SH3RF3: variants seen among roughly 807,000 people sequenced by gnomAD.
The protein encoded by SH3RF3 is E3 ubiquitin-protein ligase SH3RF3.
In SH3RF3, 29 loss-of-function variants were observed where a neutral mutation model predicts 66.3. The observed-to-expected ratio is 0.44, with a 90% CI of 0.33 to 0.60. SH3RF3 has a LOEUF of 0.60. SH3RF3 is among the 20% of genes least tolerant of loss of function. The pLI, the probability that SH3RF3 is intolerant of heterozygous loss-of-function variation, is 0.04. For synonymous variants in SH3RF3, 583 were observed against 532.0 expected, an observed-to-expected ratio of 1.10 and a Z score of -1.32; for missense variants, 1,194 against 1,190.9, an observed-to-expected ratio of 1.00 and a Z score of -0.04.
intron 1 of SH3RF3, among the ~76,000 whole-genome samples, chr2:109,183,681 G>C (rs565162742): frequency 6.6e-6 from 1 of 152,170 alleles, no homozygotes; most frequent in Admixed American, 6.5e-5. Flanking sequence ...GTTCATCCCT[G>C]AAAACAAAAA....
chr2:109,393,267 G>A (rs1676051368), intron 3 of SH3RF3, among the ~76,000 whole-genome samples: 2 of 152,364 alleles, frequency 1.3e-5, no homozygotes, highest in African/African-American at 4.8e-5. Context: ...TGTGAGTCTG[G>A]TCCATGGAGG....
chr2:109,296,310 C>A (rs1045292263), intron 1 of SH3RF3, among the ~76,000 whole-genome samples: 1 of 152,060 alleles, frequency 6.6e-6, no homozygotes, highest in African/African-American at 2.4e-5. Flanking sequence ...TCACTGCAAC[C>A]CCTGCCTCCC....
At chr2:109,493,680 C>T (rs1245093726) in intron 9 of SH3RF3, among the ~76,000 whole-genome samples, 1 of 151,484 alleles carries the variant, frequency 6.6e-6, no homozygotes, top group African/African-American at 2.4e-5. Flanking sequence ...ACACATCACA[C>T]ACCATACACA....
At chr2:109,313,918 C>T (rs983575252) in intron 1 of SH3RF3, among the ~76,000 whole-genome samples, 1 of 152,090 alleles carries the variant, frequency 6.6e-6, no homozygotes, top group Non-Finnish European at 1.5e-5. Flanking sequence ...TGTTGGGACC[C>T]GTATGCAGGG....
intron 4 of SH3RF3, among the ~76,000 whole-genome samples, chr2:109,412,626 C>CA (rs1676622728): frequency 6.6e-6 from 1 of 152,218 alleles, no homozygotes; most frequent in South Asian, 2.1e-4. Flanking sequence ...GATCCCCTGA[C>CA]AAAGATGGCA....
chr2:109,129,491 C>G lies in SH3RF3; in HGVS notation c.-50C>G, dbSNP rs753947567. On this transcript the variant is annotated 5_prime_UTR_variant, in exon 1 of 10. Coordinates refer to ENST00000309415, the MANE Select transcript of SH3RF3 (RefSeq NM_001099289.3). ...TGGCTGCCGGTGGCGGGCTCCACGC[C>G]GGCCCCGGGACCTAGGCAGCCGCGC... 1.3e-6 allele frequency: 2 copies of G among 1,494,386 alleles called. No homozygotes were observed. Among genetic ancestry groups the G allele is most frequent in the East Asian group, 2.8e-5 (1 of 35,888 alleles). The allele number at this position is 1,494,386 out of a possible 1,614,324, so 92.6% of individuals were successfully genotyped here. A position where few individuals can be genotyped will look rare whatever the true frequency, so the allele number is the denominator to read the frequency against.
Position 109,490,668 on chromosome 2 carries a change from T to G in SH3RF3, c.2212T>G (p.Ser738Ala), listed in dbSNP as rs1271653246. The G allele has an allele frequency of 2.6e-6, 4 of 1,517,032 alleles. No homozygotes were observed. Among genetic ancestry groups the G allele is most frequent in the South Asian group, 1.2e-5 (1 of 82,862 alleles). The allele number at this position is 1,517,032 out of a possible 1,614,324, so 94.0% of individuals were successfully genotyped here. Residue 738 changes from serine (S) to alanine (A), a missense_variant, in exon 9 of 10, where the codon TCC (serine) becomes GCC (alanine). Physicochemically the swap from Ser to Ala is moderately conservative, Grantham distance 99. Transcript: ENST00000309415. ...AGASTKKKSR[S>A]PPSVSPTHDP... ...AGCATCCACCAAGAAGAAGTCACGC[T>G]CCCCGCCATCTGTGTCTCCAACCCA...
intron 1 of SH3RF3, among the ~76,000 whole-genome samples, chr2:109,136,656 G>A (rs185456268): frequency 1.3e-3 from 201 of 152,280 alleles, no homozygotes; most frequent in Admixed American, 3.5e-3. Context: ...GAGTCACTGC[G>A]CTCTTGGGTA....
chr2:109,318,259 A>G (rs1222952425), intron 1 of SH3RF3, among the ~76,000 whole-genome samples: 3 of 152,090 alleles, frequency 2.0e-5, no homozygotes, highest in Admixed American at 6.6e-5. Context: ...ATTTGAGCGC[A>G]GCCCCAGATG....
At chr2:109,199,251 G>A (rs1323842976) in intron 1 of SH3RF3, among the ~76,000 whole-genome samples, 1 of 92,016 alleles carries the variant, frequency 1.1e-5, no homozygotes, top group Non-Finnish European at 2.4e-5. Context: ...CCCAGCTACG[G>A]GAGGTGCTTG....
At chr2:109,257,977 C>T (rs1680260500) in intron 1 of SH3RF3, among the ~76,000 whole-genome samples, 1 of 145,506 alleles carries the variant, frequency 6.9e-6, no homozygotes, top group Admixed American at 6.9e-5. Context: ...TCTTTCCCTG[C>T]TTGATTGTCA....
At chr2:109,438,803 G>T (rs1254760593) in intron 7 of SH3RF3, among the ~76,000 whole-genome samples, 2 of 152,214 alleles carry the variant, frequency 1.3e-5, no homozygotes, top group Admixed American at 1.3e-4. Flanking sequence ...ACTGGTCAGA[G>T]GCAGCCAATA....
At chr2:109,270,230 G>C (rs1296038736) in intron 1 of SH3RF3, among the ~76,000 whole-genome samples, 1 of 152,192 alleles carries the variant, frequency 6.6e-6, no homozygotes, top group African/African-American at 2.4e-5. Context: ...TCTGGGGGGT[G>C]AGGATGCTGG....
At chr2:109,187,026 C>T (rs545987574) in intron 1 of SH3RF3, among the ~76,000 whole-genome samples, 7 of 149,896 alleles carry the variant, frequency 4.7e-5, no homozygotes, top group African/African-American at 1.7e-4. Flanking sequence ...CTAGCCCTGG[C>T]ACCCCACCCC....
intron 1 of SH3RF3, among the ~76,000 whole-genome samples, chr2:109,159,339 C>T (rs1056672938): frequency 4.6e-5 from 7 of 152,204 alleles, no homozygotes; most frequent in African/African-American, 1.7e-4. Flanking sequence ...AGGGTGCTGC[C>T]TGCCCTGCCC....
chr2:109,414,716 C>T (rs1676677257), intron 4 of SH3RF3, among the ~76,000 whole-genome samples: 1 of 152,200 alleles, frequency 6.6e-6, no homozygotes, highest in African/African-American at 2.4e-5. Context: ...TCTCCAGGCA[C>T]ACCAAACACT....
intron 1 of SH3RF3, among the ~76,000 whole-genome samples, chr2:109,314,789 A>G: frequency 6.6e-6 from 1 of 152,350 alleles, no homozygotes; most frequent in Non-Finnish European, 1.5e-5. Flanking sequence ...TGTTTAATTT[A>G]GGGTGTGACA....
At chr2:109,406,975 G>A (rs543866148) in intron 4 of SH3RF3, among the ~76,000 whole-genome samples, 67 of 152,354 alleles carry the variant, frequency 4.4e-4, no homozygotes, top group Admixed American at 1.0e-3. Flanking sequence ...GAGCACAGAA[G>A]TTGGGAAGCT....
chr2:109,446,648 C>T (rs1677712698), intron 7 of SH3RF3, among the ~76,000 whole-genome samples: 1 of 152,300 alleles, frequency 6.6e-6, no homozygotes. Flanking sequence ...GGCAGGGGTG[C>T]TGGCACTGTG....
Sources: allele counts gnomAD v4.1 joint callset (sites outside exome capture counted in the v4.1 genomes callset), GRCh38; gene constraint gnomAD v4.1.1; transcripts MANE v1.5; gene names NCBI Gene and HGNC (gene_info 2026-07-23, HGNC 2026-07-21).